The following RARB variants were observed in gnomAD, a reference collection of about 807,000 sequenced individuals.
RARB encodes HBV-activated protein.
RARB carries 17 observed loss-of-function variants against 51.9 expected under a neutral mutation model. The observed-to-expected ratio is 0.33, with a 90% CI of 0.22 to 0.49. The LOEUF is 0.49. Ranked by LOEUF, RARB falls within the 20% of genes least tolerant of loss-of-function variation. RARB has a pLI of 0.99. For missense variants in RARB, 369 were observed against 550.8 expected (o/e 0.67, Z 3.30); for synonymous variants, 215 against 195.4 (o/e 1.10, Z -0.84).
chr3:24,957,693 C>T (rs1696046651), intron 2 of RARB, among the ~76,000 whole-genome samples: 1 of 152,186 alleles, frequency 6.6e-6, no homozygotes, highest in African/African-American at 2.4e-5. Flanking sequence ...TTAGCATTTT[C>T]AGGTAACTTA....
At chr3:25,208,208 G>A (rs1163802560) in intron 5 of RARB, among the ~76,000 whole-genome samples, 2 of 152,136 alleles carry the variant, frequency 1.3e-5, no homozygotes, top group Non-Finnish European at 2.9e-5. Context: ...CTCAACTGAA[G>A]ATTTGGAGGG....
At chr3:24,996,847 A>T (rs1216556374) in intron 2 of RARB, among the ~76,000 whole-genome samples, 3 of 152,010 alleles carry the variant, frequency 2.0e-5, no homozygotes, top group African/African-American at 4.8e-5. Context: ...TGTGAAAAAA[A>T]AATTTAGAGA....
At chr3:24,892,249 C>T (rs1002486005) in intron 2 of RARB, among the ~76,000 whole-genome samples, 2 of 149,508 alleles carry the variant, frequency 1.3e-5, no homozygotes, top group African/African-American at 4.9e-5. Flanking sequence ...ATGTAGGTGG[C>T]ATTCCCTCTC....
chr3:25,316,030 T>TA (rs1704415001), intron 5 of RARB, among the ~76,000 whole-genome samples: 1 of 152,226 alleles, frequency 6.6e-6, no homozygotes, highest in Non-Finnish European at 1.5e-5. Context: ...TAGACTGGAC[T>TA]CTGGTTTATA....
chr3:25,377,466 A>G (rs1706500930), intron 5 of RARB, among the ~76,000 whole-genome samples: 1 of 152,200 alleles, frequency 6.6e-6, no homozygotes, highest in Non-Finnish European at 1.5e-5. Flanking sequence ...ATACTTCTTT[A>G]CAAATGTTGC....
chr3:24,948,360 G>A (rs1015175489), intron 2 of RARB, among the ~76,000 whole-genome samples: 1 of 152,162 alleles, frequency 6.6e-6, no homozygotes, highest in African/African-American at 2.4e-5. Flanking sequence ...TTCCTAGCTA[G>A]GTAACATTGT....
At chr3:25,412,464 A>T (rs953708937) in intron 5 of RARB, among the ~76,000 whole-genome samples, 1 of 152,146 alleles carries the variant, frequency 6.6e-6, no homozygotes, top group Non-Finnish European at 1.5e-5. Flanking sequence ...CCAATATCTG[A>T]CCTGCTCATG....
At chr3:24,919,376 G>A (rs1695171344) in intron 2 of RARB, among the ~76,000 whole-genome samples, 1 of 152,050 alleles carries the variant, frequency 6.6e-6, no homozygotes, top group Non-Finnish European at 1.5e-5. Flanking sequence ...TAACCGAAAT[G>A]CAGGTGCGAA....
chr3:25,274,049 C>G lies in RARB; in HGVS notation c.178+99474C>G, dbSNP rs1204329165. Among the ~76,000 whole-genome samples, 7 of 152,282 alleles carry G rather than the reference C, an allele frequency of 4.6e-5. No homozygotes were observed. The South Asian group carries it at 1.2e-3, about 27-fold the overall frequency. On this transcript the variant is annotated intron_variant, in intron 5 of 11. Coordinates refer to the RARB transcript ENST00000383772. ...CTTTGCTTATGGCCTGGAAGTCCTT[C>G]TAGCCCAGAGCTGCCTAGTAGATGT...
chr3:25,326,208 G>A (rs1279590190), intron 5 of RARB, among the ~76,000 whole-genome samples: 1 of 152,178 alleles, frequency 6.6e-6, no homozygotes, highest in African/African-American at 2.4e-5. Context: ...AATTCTGAGG[G>A]GCAGTGTGAT....
chr3:24,865,659 T>C (rs1297287742), intron 2 of RARB, among the ~76,000 whole-genome samples: 2 of 152,146 alleles, frequency 1.3e-5, no homozygotes, highest in Non-Finnish European at 2.9e-5. Context: ...TAAACCTAGA[T>C]ATATTTTTCT....
At chr3:25,477,398 A>G (rs1696004684) in intron 2 of RARB, among the ~76,000 whole-genome samples, 1 of 152,180 alleles carries the variant, frequency 6.6e-6, no homozygotes, top group Non-Finnish European at 1.5e-5. Context: ...TTTCCTTTAC[A>G]CAATGGTTGA....
At chr3:24,986,346 T>C (rs1445047640) in intron 2 of RARB, among the ~76,000 whole-genome samples, 1 of 152,216 alleles carries the variant, frequency 6.6e-6, no homozygotes, top group African/African-American at 2.4e-5. Flanking sequence ...AACTTCCGTC[T>C]CTTCTTCAAG....
At chr3:24,831,455 C>T (rs920623616) in intron 1 of RARB, among the ~76,000 whole-genome samples, 1 of 152,250 alleles carries the variant, frequency 6.6e-6, no homozygotes, top group East Asian at 1.9e-4. Flanking sequence ...AATATAAAGT[C>T]ATGAATAGAA....
chr3:25,064,306 G>GA (rs1347505400), intron 3 of RARB, among the ~76,000 whole-genome samples: 2 of 152,012 alleles, frequency 1.3e-5, no homozygotes, highest in East Asian at 3.9e-4. Context: ...TGATACAAAA[G>GA]AGATCTCTCA....
At chr3:25,362,453 G>A (rs11709623) in intron 5 of RARB, among the ~76,000 whole-genome samples, 12,478 of 152,192 alleles carry the variant, frequency 0.082, 718 homozygotes, top group South Asian at 0.19. Flanking sequence ...TTGGCTCCCT[G>A]GCTTCAGCCC....
At chr3:25,531,651 A>T (rs899735874) in intron 3 of RARB, among the ~76,000 whole-genome samples, 1 of 152,012 alleles carries the variant, frequency 6.6e-6, no homozygotes, top group African/African-American at 2.4e-5. Flanking sequence ...TAACATCCAG[A>T]AGTGCTACAG....
At chr3:25,080,157 T>G (rs969237259) in intron 3 of RARB, among the ~76,000 whole-genome samples, 2 of 152,238 alleles carry the variant, frequency 1.3e-5, no homozygotes, top group African/African-American at 4.8e-5. Context: ...TTGCCTGTTT[T>G]GGGTATTTCA....
intron 4 of RARB, among the ~76,000 whole-genome samples, chr3:25,163,221 A>G (rs571346603): frequency 6.6e-6 from 1 of 152,244 alleles, no homozygotes; most frequent in South Asian, 2.1e-4. Flanking sequence ...AAAAATAATT[A>G]TTTGTGGTGT....
Sources: gnomAD v4.1 joint callset for allele counts (sites outside exome capture counted in the v4.1 genomes callset) on GRCh38, gnomAD v4.1.1 for gene constraint, MANE v1.5 for transcripts, NCBI Gene and HGNC (gene_info 2026-07-23, HGNC 2026-07-21) for gene names.